Variants in PPARGC1A observed in about 807,000 individuals in gnomAD.
PPARGC1A encodes the protein peroxisome proliferator-activated receptor gamma coactivator 1-alpha.
PPARGC1A carries 25 observed loss-of-function variants against 88.7 expected under a neutral mutation model. The ratio of observed to expected loss-of-function variants is 0.28; its 90% CI spans 0.21 to 0.39. The LOEUF is 0.39. PPARGC1A is among the 10% of genes least tolerant of loss of function. The pLI is 1.00. For missense variants in PPARGC1A, 880 were observed against 968.7 expected (o/e 0.91, Z 1.22); for synonymous variants, 363 against 355.6 (o/e 1.02, Z -0.24).
the PPARGC1A span, among the ~76,000 whole-genome samples, chr4:24,447,993 G>A: frequency 6.6e-6 from 1 of 152,172 alleles, no homozygotes; most frequent in South Asian, 2.1e-4. Context: ...AGTACACAGA[G>A]CGTGTCTGCT....
intron 7 of PPARGC1A, among the ~76,000 whole-genome samples, chr4:23,816,994 G>C (rs1199181601): frequency 6.6e-6 from 1 of 152,094 alleles, no homozygotes. Flanking sequence ...GGGAAACCGG[G>C]TAAACATTTT....
At chr4:23,897,284 GT>G (rs1390868295) in intron 1 of PPARGC1A, among the ~76,000 whole-genome samples, 1 of 152,152 alleles carries the variant, frequency 6.6e-6, no homozygotes, top group Non-Finnish European at 1.5e-5. Flanking sequence ...GAGATTTAAG[GT>G]GAGTACTGGA....
the PPARGC1A span, among the ~76,000 whole-genome samples, chr4:24,261,476 C>T: frequency 2.0e-5 from 3 of 152,196 alleles, no homozygotes; most frequent in African/African-American, 4.8e-5. Flanking sequence ...CTTTCTCTTT[C>T]TATAGGAACT....
intron 10 of PPARGC1A, among the ~76,000 whole-genome samples, chr4:23,804,781 A>T (rs547038068): frequency 6.6e-6 from 1 of 152,116 alleles, no homozygotes; most frequent in Non-Finnish European, 1.5e-5. Context: ...TTTCCCTGCT[A>T]CTGGGACACC....
chr4:23,929,622 A>G, the PPARGC1A span, among the ~76,000 whole-genome samples: 2 of 152,172 alleles, frequency 1.3e-5, no homozygotes, highest in South Asian at 4.1e-4. Flanking sequence ...CTGAGAGGAA[A>G]AAGTGCGGCA....
the PPARGC1A span, among the ~76,000 whole-genome samples, chr4:24,436,358 C>T: frequency 1.3e-4 from 20 of 152,376 alleles, no homozygotes; most frequent in East Asian, 1.9e-4. Flanking sequence ...GACACAGCAC[C>T]GCTCTGTGCA....
chr4:24,387,746 A>AAGAGAGAGAG, the PPARGC1A span, among the ~76,000 whole-genome samples: 3 of 61,176 alleles, frequency 4.9e-5, no homozygotes, highest in African/African-American at 6.9e-5. Context: ...GAAAGAAAGA[A>AAGAGAGAGAG]AGAGAGAGAG....
upstream of PPARGC1A, chr4:23,890,073 T>C (rs1254748756): frequency 6.6e-7 from 1 of 1,514,666 alleles, no homozygotes; most frequent in Non-Finnish European, 8.8e-7. Flanking sequence ...GCACCTGTCT[T>C]ACTACAGTCC....
the PPARGC1A span, among the ~76,000 whole-genome samples, chr4:23,998,020 C>T: frequency 6.6e-6 from 1 of 152,176 alleles, no homozygotes; most frequent in Admixed American, 6.6e-5. Context: ...TAATTGTCTA[C>T]ATCAGTACAT....
the PPARGC1A span, among the ~76,000 whole-genome samples, chr4:24,023,112 T>A: frequency 1.3e-5 from 2 of 152,168 alleles, no homozygotes; most frequent in Non-Finnish European, 2.9e-5. Flanking sequence ...ATATGTATCA[T>A]TATTCATGAT....
the PPARGC1A span, among the ~76,000 whole-genome samples, chr4:24,108,896 A>T: frequency 6.6e-6 from 1 of 152,104 alleles, no homozygotes; most frequent in Non-Finnish European, 1.5e-5. Flanking sequence ...TGGGAAGAGG[A>T]AGATTTAAAA....
chr4:24,374,327 A>T, the PPARGC1A span, among the ~76,000 whole-genome samples: 1 of 151,764 alleles, frequency 6.6e-6, no homozygotes, highest in Non-Finnish European at 1.5e-5. Context: ...AAACCTTTCC[A>T]TGTGGCCTGG....
chr4:24,064,768 T>G, the PPARGC1A span, among the ~76,000 whole-genome samples: 24 of 152,236 alleles, frequency 1.6e-4, no homozygotes, highest in African/African-American at 3.6e-4. Context: ...TTGGTTGGTT[T>G]GTTTGTTTTT....
the PPARGC1A span, among the ~76,000 whole-genome samples, chr4:24,112,765 C>T: frequency 3.3e-5 from 5 of 152,098 alleles, no homozygotes; most frequent in African/African-American, 1.2e-4. Context: ...AAACCAGCCA[C>T]CCAATTCATC....
the PPARGC1A span, among the ~76,000 whole-genome samples, chr4:24,023,830 A>G: frequency 1.3e-5 from 1 of 79,558 alleles, no homozygotes; most frequent in Non-Finnish European, 3.3e-5. Flanking sequence ...CTAAGTGGCA[A>G]AAGAAAAGTG....
chr4:23,882,538 C>A (rs1013531618), intron 2 of PPARGC1A: 1 of 152,110 alleles, frequency 6.6e-6, no homozygotes, highest in Non-Finnish European at 1.5e-5. Context: ...CCCTTGTCCC[C>A]AGGGATAACA....
the PPARGC1A span, among the ~76,000 whole-genome samples, chr4:24,377,108 A>G: frequency 6.6e-6 from 1 of 152,112 alleles, no homozygotes; most frequent in Non-Finnish European, 1.5e-5. Context: ...TGAAAAAAAA[A>G]TCTAGGAAAT....
chr4:24,311,954 T>C, the PPARGC1A span, among the ~76,000 whole-genome samples: 1 of 152,200 alleles, frequency 6.6e-6, no homozygotes. Flanking sequence ...CGTCTGTACA[T>C]GTCTGAGATA....
At chr4:23,804,041 T>A (rs1401630517) in intron 10 of PPARGC1A, among the ~76,000 whole-genome samples, 1 of 152,196 alleles carries the variant, frequency 6.6e-6, no homozygotes, top group South Asian at 2.1e-4. Context: ...TCTGGTCTTA[T>A]TCTACCACAT....
Sources: allele counts gnomAD v4.1 joint callset (sites outside exome capture counted in the v4.1 genomes callset), GRCh38; gene constraint gnomAD v4.1.1; transcripts MANE v1.5; gene names NCBI Gene and HGNC (gene_info 2026-07-23, HGNC 2026-07-21).